The following RNLS variants were observed in gnomAD, a reference collection of about 807,000 sequenced individuals.
RNLS encodes renalase.
RNLS carries 39 observed loss-of-function variants against 39.8 expected under a neutral mutation model. The observed-to-expected ratio is 0.98, with a 90% CI of 0.76 to 1.28. The LOEUF is 1.28. RNLS is among the 50% of genes most tolerant of loss of function. The pLI is 0.00. For missense variants in RNLS, 410 were observed against 413.3 expected (o/e 0.99, Z 0.07); for synonymous variants, 147 against 150.7 (o/e 0.98, Z 0.18).
At chr10:88,377,951 A>T (rs1348021083) in intron 4 of RNLS, among the ~76,000 whole-genome samples, 1 of 151,868 alleles carries the variant, frequency 6.6e-6, no homozygotes, top group Non-Finnish European at 1.5e-5. Flanking sequence ...TTATATCCTT[A>T]TTTTATAAAT....
At chr10:88,213,666 G>C in the RNLS span, among the ~76,000 whole-genome samples, 5 of 152,002 alleles carry the variant, frequency 3.3e-5, no homozygotes, top group Admixed American at 2.0e-4. Context: ...GAAGAGATAC[G>C]GCCACAGAGC....
intron 3 of RNLS, among the ~76,000 whole-genome samples, chr10:88,575,196 CTATA>C (rs377248573): frequency 0.43 from 47,677 of 110,276 alleles, 9,143 homozygotes; most frequent in East Asian, 0.58. Context: ...TATATATATA[CTATA>C]TATATATGTG....
chr10:88,314,757 A>C, intron 5 of RNLS, 116 bp from the exon 6 acceptor site: 3 of 826,308 alleles, frequency 3.6e-6, no homozygotes, highest in Non-Finnish European at 5.3e-6. Flanking sequence ...TAAATGGAGG[A>C]AAAACTTATT....
chr10:88,416,791 C>T (rs1854057944), intron 4 of RNLS, among the ~76,000 whole-genome samples: 1 of 152,156 alleles, frequency 6.6e-6, no homozygotes, highest in South Asian at 2.1e-4. Flanking sequence ...GGCAATTTTA[C>T]AAATATCCTA....
At chr10:88,337,963 A>C (rs1421883881) in intron 5 of RNLS, among the ~76,000 whole-genome samples, 1 of 152,206 alleles carries the variant, frequency 6.6e-6, no homozygotes, top group Non-Finnish European at 1.5e-5. Context: ...TGTAAAACAG[A>C]AGATTAGATT....
At chr10:88,192,538 T>C in the RNLS span, among the ~76,000 whole-genome samples, 9 of 152,246 alleles carry the variant, frequency 5.9e-5, no homozygotes, top group African/African-American at 1.9e-4. Flanking sequence ...CATCAGAGAC[T>C]ATGGAGGGCC....
At chr10:88,337,219 C>G (rs1847568847) in intron 5 of RNLS, among the ~76,000 whole-genome samples, 1 of 152,036 alleles carries the variant, frequency 6.6e-6, no homozygotes, top group Non-Finnish European at 1.5e-5. Context: ...AATCCAGGAC[C>G]CTGTTGAGGG....
chr10:88,194,983 A>G, the RNLS span, among the ~76,000 whole-genome samples: 3 of 152,180 alleles, frequency 2.0e-5, no homozygotes, highest in East Asian at 5.8e-4. Context: ...GAAAACAAAA[A>G]TCCCCACCAG....
chr10:88,546,909 A>G (rs1262107775), intron 4 of RNLS, among the ~76,000 whole-genome samples: 4 of 152,160 alleles, frequency 2.6e-5, no homozygotes, highest in Non-Finnish European at 4.4e-5. Flanking sequence ...GAAACCAAAA[A>G]AAAAAAAAAA....
chr10:88,407,143 A>G (rs1853328392), intron 4 of RNLS, among the ~76,000 whole-genome samples: 1 of 152,070 alleles, frequency 6.6e-6, no homozygotes, highest in African/African-American at 2.4e-5. Flanking sequence ...ACAAATCACC[A>G]CTAAAGAACT....
chr10:88,325,017 T>C (rs1846488619), intron 5 of RNLS, among the ~76,000 whole-genome samples: 1 of 152,194 alleles, frequency 6.6e-6, no homozygotes, highest in Non-Finnish European at 1.5e-5. Context: ...ACCATATGTA[T>C]ATGTCACAAT....
chr10:88,546,441 A>C (rs1029720449), intron 4 of RNLS, among the ~76,000 whole-genome samples: 6 of 152,138 alleles, frequency 3.9e-5, no homozygotes, highest in African/African-American at 1.4e-4. Flanking sequence ...GTGACTCTTA[A>C]AAACTCTGAA....
At chr10:88,329,495 C>CA (rs1209092631) in intron 5 of RNLS, among the ~76,000 whole-genome samples, 1 of 151,188 alleles carries the variant, frequency 6.6e-6, no homozygotes, top group Non-Finnish European at 1.5e-5. Flanking sequence ...TTTTGGTTTA[C>CA]CTTTGTTGAC....
chr10:88,199,415 G>C, the RNLS span, among the ~76,000 whole-genome samples: 27,299 of 152,130 alleles, frequency 0.18, 2,881 homozygotes, highest in African/African-American at 0.29. Flanking sequence ...AAGCACTGTA[G>C]GATGTTTAGC....
At position 88,572,962 on chromosome 10, in the gene RNLS, A is replaced by T. The variant is rs1564912117; in HGVS notation, c.467T>A (p.Leu156His). The change falls in exon 4 of 7, where the codon CTT becomes CAT. Residue 156 changes from leucine to histidine, a missense_variant. Transcript: ENST00000331772. ...KQTGSPEQFD[L>H]IVLTMPVPEI... The stretch of plus-strand genomic sequence containing the variant: ...AGGAACTGGCATTGTGAGAACAATA[A>T]GATCAAACTGCTCAGGGGAGCCTGT... 6.2e-7 allele frequency: 1 copy of T among 1,614,080 alleles called. No homozygotes were observed. Among genetic ancestry groups the T allele is most frequent in the Admixed American group, 1.7e-5 (1 of 59,988 alleles).
intron 6 of RNLS, among the ~76,000 whole-genome samples, chr10:88,299,555 G>A (rs997861249): frequency 6.6e-6 from 1 of 152,200 alleles, no homozygotes; most frequent in Non-Finnish European, 1.5e-5. Flanking sequence ...ACCCCGTGAG[G>A]TGGAGGTTGC....
At chr10:88,396,322 C>A (rs1852557428) in intron 4 of RNLS, among the ~76,000 whole-genome samples, 1 of 151,776 alleles carries the variant, frequency 6.6e-6, no homozygotes, top group Admixed American at 6.6e-5. Context: ...ACCAAGGAAG[C>A]ACAACAAAAC....
intron 4 of RNLS, among the ~76,000 whole-genome samples, chr10:88,494,246 TA>T (rs1659402480): frequency 6.6e-6 from 1 of 152,118 alleles, no homozygotes; most frequent in South Asian, 2.1e-4. Flanking sequence ...ATACTGTTTG[TA>T]AAATGGTGAA....
chr10:88,193,610 T>C, the RNLS span, among the ~76,000 whole-genome samples: 2 of 152,196 alleles, frequency 1.3e-5, no homozygotes, highest in Admixed American at 1.3e-4. Flanking sequence ...TATGCTTCCC[T>C]GATCCTTCCT....
Sources: allele counts gnomAD v4.1 joint callset (sites outside exome capture counted in the v4.1 genomes callset), GRCh38; gene constraint gnomAD v4.1.1; transcripts MANE v1.5; gene names NCBI Gene and HGNC (gene_info 2026-07-23, HGNC 2026-07-21).